The following CNTN5 variants were observed in gnomAD, a reference collection of about 807,000 sequenced individuals.
CNTN5 encodes the protein contactin-5.
Under a neutral mutation model 129.1 loss-of-function variants are expected in CNTN5, and 77 were observed. That is an observed-to-expected ratio of 0.60 (90% CI 0.50 to 0.72). The LOEUF (loss-of-function observed/expected upper bound fraction) is 0.72, where lower values mean the gene tolerates loss of function less well. Ranked by LOEUF, CNTN5 falls within the 30% of genes least tolerant of loss-of-function variation. The pLI, the probability that CNTN5 is intolerant of heterozygous loss-of-function variation, is 0.00. For missense variants in CNTN5, 1,478 were observed against 1,328.8 expected (o/e 1.11, Z -1.75); for synonymous variants, 509 against 465.6 (o/e 1.09, Z -1.20).
At chr11:99,215,951 G>A (rs1321907080) in intron 1 of CNTN5, among the ~76,000 whole-genome samples, 8 of 152,122 alleles carry the variant, frequency 5.3e-5, no homozygotes, top group Non-Finnish European at 8.8e-5. Context: ...TCTGATACAG[G>A]AACACACTGT....
chr11:99,679,824 C>G (rs918341284), intron 3 of CNTN5, among the ~76,000 whole-genome samples: 5 of 152,188 alleles, frequency 3.3e-5, no homozygotes, highest in African/African-American at 1.2e-4. Context: ...TTGCATCAAA[C>G]CTTAGCCAGG....
At chr11:100,235,321 G>A (rs1949586741) in intron 16 of CNTN5, among the ~76,000 whole-genome samples, 1 of 152,160 alleles carries the variant, frequency 6.6e-6, no homozygotes, top group African/African-American at 2.4e-5. Flanking sequence ...ATGTGATGTA[G>A]GAGATCAGTC....
At chr11:99,746,947 T>C (rs1272305630) in intron 3 of CNTN5, among the ~76,000 whole-genome samples, 1 of 152,342 alleles carries the variant, frequency 6.6e-6, no homozygotes, top group East Asian at 1.9e-4. Context: ...TATTTTTCTA[T>C]AGCTGTGGAA....
chr11:99,505,054 A>G lies in CNTN5; in HGVS notation c.-70-51091A>G, dbSNP rs145357179. Among the ~76,000 whole-genome samples the G allele has an allele frequency of 9.1e-3, 1,380 of 152,240 alleles. 15 individuals are homozygous for G. The highest frequency in any genetic ancestry group is 0.031 in the African/African-American group (1,285 of 41,538). On this transcript the variant is annotated intron_variant, in intron 2 of 24. Coordinates refer to ENST00000524871, the MANE Select transcript of CNTN5 (RefSeq NM_014361.4). ...CCACTTCTGACTTCTGGTTGACTTT[A>G]TGTCTACTGGGATGGCCTCTTCTCA...
chr11:99,804,656 C>T (rs950369778), intron 3 of CNTN5, among the ~76,000 whole-genome samples: 2 of 150,862 alleles, frequency 1.3e-5, no homozygotes, highest in Admixed American at 6.6e-5. Context: ...GCCCCTTAAT[C>T]GTTAGCTAAT....
chr11:100,055,064 T>C (rs1943149583), intron 9 of CNTN5, among the ~76,000 whole-genome samples: 1 of 146,892 alleles, frequency 6.8e-6, no homozygotes, highest in African/African-American at 2.5e-5. Flanking sequence ...CAAATGTATG[T>C]CCAGGAGACC....
At chr11:99,290,830 G>A (rs973859455) in intron 1 of CNTN5, among the ~76,000 whole-genome samples, 7 of 151,766 alleles carry the variant, frequency 4.6e-5, no homozygotes, top group African/African-American at 1.4e-4. Flanking sequence ...TGTCGGTTTG[G>A]TGAAAGTTTC....
chr11:100,040,863 G>T (rs1338053078), intron 9 of CNTN5, among the ~76,000 whole-genome samples: 1 of 152,140 alleles, frequency 6.6e-6, no homozygotes, highest in African/African-American at 2.4e-5. Context: ...CAATTTTCCA[G>T]GTGCCGTCTG....
chr11:100,311,267 G>A (rs187475498), intron 21 of CNTN5, among the ~76,000 whole-genome samples: 78 of 151,956 alleles, frequency 5.1e-4, no homozygotes, highest in Admixed American at 1.4e-3. Flanking sequence ...AAAAAGATGA[G>A]ACAAAGATAA....
chr11:100,039,210 T>TTTCTCCTTTA (rs1942229419), intron 9 of CNTN5, among the ~76,000 whole-genome samples: 2 of 152,212 alleles, frequency 1.3e-5, no homozygotes, highest in Admixed American at 1.3e-4. Flanking sequence ...AAGTATTTTA[T>TTTCTCCTTTA]TTCTCCTTTA....
chr11:99,707,299 C>A (rs1000177555), intron 3 of CNTN5, among the ~76,000 whole-genome samples: 7 of 151,540 alleles, frequency 4.6e-5, no homozygotes, highest in African/African-American at 1.7e-4. Context: ...GTTCAAGTTT[C>A]ATTACAAATC....
chr11:99,981,041 A>G (rs1938296187), intron 8 of CNTN5, among the ~76,000 whole-genome samples: 1 of 132,736 alleles, frequency 7.5e-6, no homozygotes, highest in African/African-American at 2.6e-5. Context: ...ATCTACCTGT[A>G]TTAGTTAGGG....
rs79950029 is a variant in CNTN5 at position 99,801,466 on chromosome 11, G to T, written c.56-18078G>T. On this transcript the variant is annotated intron_variant, in intron 3 of 24. Transcript: ENST00000524871. ...TTGTTCTCTGGATTTCTTGTATGTG[G>T]ATGTCTACCTTTCCAAGACTATTAG... 7.4e-3 allele frequency among the ~76,000 whole-genome samples: 1,131 copies of T among 152,084 alleles called. 12 individuals carry two copies. The highest frequency in any genetic ancestry group is 0.026 in the African/African-American group (1,084 of 41,468).
At chr11:99,301,969 A>G (rs767614102) in intron 1 of CNTN5, among the ~76,000 whole-genome samples, 9 of 151,646 alleles carry the variant, frequency 5.9e-5, no homozygotes, top group Middle Eastern at 3.2e-3. Context: ...ACACACTACT[A>G]AAAAAACCCG....
intron 3 of CNTN5, among the ~76,000 whole-genome samples, chr11:99,708,596 G>A (rs1236680305): frequency 6.6e-6 from 1 of 151,704 alleles, no homozygotes; most frequent in African/African-American, 2.4e-5. Context: ...TAGTGCCTAA[G>A]CATTGCCAAG....
At chr11:99,292,534 C>T (rs1478842884) in intron 1 of CNTN5, among the ~76,000 whole-genome samples, 1 of 152,106 alleles carries the variant, frequency 6.6e-6, no homozygotes, top group Non-Finnish European at 1.5e-5. Flanking sequence ...AAGTGGGCAT[C>T]CTTGTCTTGT....
intron 3 of CNTN5, among the ~76,000 whole-genome samples, chr11:99,620,922 G>A (rs1367673924): frequency 6.1e-5 from 7 of 113,924 alleles, no homozygotes; most frequent in African/African-American, 2.0e-4. Flanking sequence ...ACTATACTTA[G>A]AATTTTTTTT....
intron 13 of CNTN5, among the ~76,000 whole-genome samples, chr11:100,141,384 C>CGA (rs141396259): frequency 0.095 from 14,394 of 152,126 alleles, 853 homozygotes; most frequent in Non-Finnish European, 0.13. Context: ...GAGGAACACA[C>CGA]GAACAGTTGG....
At chr11:99,046,586 A>AT (rs889318910) in intron 1 of CNTN5, among the ~76,000 whole-genome samples, 7 of 152,142 alleles carry the variant, frequency 4.6e-5, no homozygotes, top group African/African-American at 1.7e-4. Flanking sequence ...CAAGAGAGTC[A>AT]TTTTCTCAGC....
Sources: gnomAD v4.1 joint callset for allele counts (sites outside exome capture counted in the v4.1 genomes callset) on GRCh38, gnomAD v4.1.1 for gene constraint, MANE v1.5 for transcripts, NCBI Gene and HGNC (gene_info 2026-07-23, HGNC 2026-07-21) for gene names.